Variants in CNOT6L observed in about 807,000 individuals in gnomAD.
CNOT6L encodes the protein CCR4-NOT transcription complex subunit 6-like.
CNOT6L carries 7 observed loss-of-function variants against 64.0 expected under a neutral mutation model. That is an observed-to-expected ratio of 0.11 (90% CI 0.06 to 0.21). CNOT6L has a LOEUF of 0.21. Among genes scored for constraint, CNOT6L ranks in the 10% least tolerant of loss-of-function variants. The probability of loss-of-function intolerance (pLI) is 1.00; values close to 1 mark genes in which losing one functional copy is unlikely to be tolerated. For missense variants in CNOT6L, 245 were observed against 669.0 expected (o/e 0.37, Z 6.99); for synonymous variants, 193 against 243.4 (o/e 0.79, Z 1.93).
intron 1 of CNOT6L, among the ~76,000 whole-genome samples, chr4:77,813,954 C>T (rs1258723369): frequency 6.6e-6 from 1 of 152,154 alleles, no homozygotes; most frequent in African/African-American, 2.4e-5. Context: ...TGAATGTTCA[C>T]AGCGGCATGA....
chr4:77,807,134 T>G (rs1732315848), intron 1 of CNOT6L, among the ~76,000 whole-genome samples: 2 of 151,884 alleles, frequency 1.3e-5, no homozygotes, highest in Non-Finnish European at 2.9e-5. Context: ...CTTGGTTAGC[T>G]GGGCATGGTG....
At position 77,760,994 on chromosome 4, in the gene CNOT6L, GC is replaced by G. The variant is rs1304333935; in HGVS notation, c.401-4044del. On this transcript the variant is annotated intron_variant, in intron 4 of 11. Transcript: ENST00000504123. ...GCCTCCCAAAGTGCTGGGATTACAG[GC>G]ATGAGCCACTCTGCCCAGCCAGGGA... Among the ~76,000 whole-genome samples, 5 of 149,448 alleles carry G rather than the reference GC, an allele frequency of 3.3e-5. No individual in the cohort carries two copies. In the South Asian group the frequency reaches 6.4e-4, roughly 19 times the overall value.
At chr4:77,730,383 T>G (rs921253154) in intron 9 of CNOT6L, among the ~76,000 whole-genome samples, 4 of 152,042 alleles carry the variant, frequency 2.6e-5, no homozygotes, top group African/African-American at 9.7e-5. Context: ...CAAAGAGCCA[T>G]AAGCACTATA....
chr4:77,755,815 A>AT (rs978750576), intron 5 of CNOT6L, among the ~76,000 whole-genome samples: 2 of 151,754 alleles, frequency 1.3e-5, no homozygotes, highest in Non-Finnish European at 2.9e-5. Flanking sequence ...GGAACTTATG[A>AT]TTTTTCTAGC....
chr4:77,806,993 G>C (rs975013248), intron 1 of CNOT6L, among the ~76,000 whole-genome samples: 11 of 152,058 alleles, frequency 7.2e-5, no homozygotes, highest in African/African-American at 2.7e-4. Flanking sequence ...TCAAACACTT[G>C]AGCTACAAAG....
chr4:77,743,855 G>A (rs917942177), intron 7 of CNOT6L, among the ~76,000 whole-genome samples: 2 of 151,898 alleles, frequency 1.3e-5, no homozygotes, highest in African/African-American at 4.8e-5. Flanking sequence ...ACCCGCCTCG[G>A]CCTCCCAGAG....
At chr4:77,797,503 T>C (rs1730999642) in intron 1 of CNOT6L, among the ~76,000 whole-genome samples, 1 of 152,178 alleles carries the variant, frequency 6.6e-6, no homozygotes, top group Non-Finnish European at 1.5e-5. Context: ...TCAGTATCTA[T>C]CTCAGTTATC....
intron 1 of CNOT6L, among the ~76,000 whole-genome samples, chr4:77,808,442 A>G (rs1205234047): frequency 2.1e-5 from 3 of 142,246 alleles, no homozygotes; most frequent in East Asian, 4.5e-4. Flanking sequence ...AGCCTGGGTG[A>G]GAGTGGGACT....
chr4:77,819,776 G>A (rs1268618547), upstream of CNOT6L, among the ~76,000 whole-genome samples: 2 of 150,656 alleles, frequency 1.3e-5, no homozygotes, highest in Admixed American at 6.6e-5. Context: ...CGGGCGGGCC[G>A]GGCCGGGCCG....
chr4:77,753,849 T>G (rs914899782), intron 5 of CNOT6L, among the ~76,000 whole-genome samples: 1 of 150,276 alleles, frequency 6.7e-6, no homozygotes, highest in Non-Finnish European at 1.5e-5. Context: ...AAAAATAATC[T>G]ACTCATCTTA....
rs780258014 is a variant in CNOT6L, at chr4:77,726,182, G to A, written c.1440C>T (p.Tyr480=). The A allele has an allele frequency of 6.8e-6, 11 of 1,613,636 alleles. No homozygotes were observed. Among genetic ancestry groups the A allele is most frequent in the East Asian group, 6.7e-5 (3 of 44,886 alleles). Residue 480 remains tyrosine (Y), a synonymous_variant, in exon 11 of 12, where the codon TAC becomes TAT. Transcript: ENST00000504123. ...TGCCACTCACTTTGAAATCAAAGGT[G>A]TAATTGGTGTAAGGCATCAAGTTAT... ...YENNLMPYTN[Y]TFDFKGVIDY...
intron 5 of CNOT6L, among the ~76,000 whole-genome samples, chr4:77,750,989 C>T (rs1027180341): frequency 2.0e-5 from 3 of 152,072 alleles, no homozygotes; most frequent in Admixed American, 6.6e-5. Context: ...CCAAAATGTC[C>T]AGGGTACAAA....
chr4:77,802,405 T>C lies in CNOT6L; in HGVS notation c.5+16899A>G, dbSNP rs1046614122. 1.3e-5 allele frequency among the ~76,000 whole-genome samples: 2 copies of C among 152,196 alleles called. 1 individual carries two copies. The highest frequency in any genetic ancestry group is 4.1e-4 in the South Asian group (2 of 4,834). ...GGTTTTAGTCTTCTTTGTATTAAAA[T>C]ATGCCTCTTATCATGCTACTAAAAA... On this transcript the variant is annotated intron_variant, in intron 1 of 11. Coordinates refer to ENST00000504123, the MANE Select transcript of CNOT6L (RefSeq NM_144571.3).
At chr4:77,816,076 A>C (rs913124470) in intron 1 of CNOT6L, among the ~76,000 whole-genome samples, 1 of 152,252 alleles carries the variant, frequency 6.6e-6, no homozygotes, top group Non-Finnish European at 1.5e-5. Context: ...GATTGCTTAA[A>C]AGCCCATTTA....
In CNOT6L at chr4:77,719,330, G is replaced by A. The variant is rs945681844; in HGVS notation, c.*1101C>T. 3.9e-5 allele frequency: 6 copies of A among 152,572 alleles called. No individual in the cohort carries two copies. Among genetic ancestry groups the A allele is most frequent in the African/African-American group, 1.4e-4 (6 of 41,442 alleles). The allele number at this position is 152,572 out of a possible 1,614,324, so 9.5% of individuals were successfully genotyped here. A position where few individuals can be genotyped will look rare whatever the true frequency, so the allele number is the denominator to read the frequency against. On this transcript the variant is annotated 3_prime_UTR_variant, in exon 12 of 12. Transcript: ENST00000504123. ...GATGGCCATTTGGCAGCTAGAGTCA[G>A]GAAAATGACCCAACGTTTTCAACTA... is the stretch of plus-strand genomic sequence containing the variant.
At position 77,784,285 on chromosome 4, in the gene CNOT6L, C is replaced by T. The variant is rs149258120; in HGVS notation, c.6-7893G>A. The stretch of plus-strand genomic sequence containing the variant: ...AAATACTAAAATAAAAAACAGAGAC[C>T]AGACCTGGGGTTATAAATCAATCAC... On this transcript the variant is annotated intron_variant, in intron 1 of 11. Coordinates refer to ENST00000504123, the MANE Select transcript of CNOT6L (RefSeq NM_144571.3). Among the ~76,000 whole-genome samples the T allele has an allele frequency of 5.3e-3, 805 of 152,190 alleles. 7 individuals are homozygous for T. Among genetic ancestry groups the T allele is most frequent in the African/African-American group, 0.018 (759 of 41,522 alleles).
chr4:77,786,792 A>G (rs895016323), intron 1 of CNOT6L, among the ~76,000 whole-genome samples: 8 of 152,088 alleles, frequency 5.3e-5, no homozygotes, highest in Admixed American at 3.3e-4. Context: ...ATTTTTAAAA[A>G]AGGAAACAAT....
At chr4:77,761,391 T>C (rs868532872) in intron 4 of CNOT6L, among the ~76,000 whole-genome samples, 1 of 152,126 alleles carries the variant, frequency 6.6e-6, no homozygotes, top group African/African-American at 2.4e-5. Context: ...ACAAAAGAAA[T>C]TGATGTAGAA....
chr4:77,803,183 G>A (rs1731794329), intron 1 of CNOT6L, among the ~76,000 whole-genome samples: 1 of 151,462 alleles, frequency 6.6e-6, no homozygotes. Flanking sequence ...GTCATGATCA[G>A]GCAAATCACA....
Sources: gnomAD v4.1 joint callset for allele counts (sites outside exome capture counted in the v4.1 genomes callset) on GRCh38, gnomAD v4.1.1 for gene constraint, MANE v1.5 for transcripts, NCBI Gene and HGNC (gene_info 2026-07-23, HGNC 2026-07-21) for gene names.